Variants in PTPRD observed in about 807,000 individuals in gnomAD.
The protein encoded by PTPRD is protein tyrosine phosphatase receptor type D.
PTPRD carries 34 observed loss-of-function variants against 214.5 expected under a neutral mutation model. The ratio of observed to expected loss-of-function variants is 0.16; its 90% CI spans 0.12 to 0.21. The LOEUF (loss-of-function observed/expected upper bound fraction) is 0.21. PTPRD is among the 10% of genes least tolerant of loss of function. The probability of loss-of-function intolerance (pLI) is 1.00; values close to 1 mark genes in which losing one functional copy is unlikely to be tolerated. For synonymous variants in PTPRD, 1,128 were observed against 845.7 expected (o/e 1.33, Z -5.79); for missense variants, 2,545 against 2,398.7 (o/e 1.06, Z -1.27).
At chr9:8,702,587 T>C (rs2098113666) in intron 12 of PTPRD, among the ~76,000 whole-genome samples, 1 of 152,176 alleles carries the variant, frequency 6.6e-6, no homozygotes, top group South Asian at 2.1e-4. Flanking sequence ...CCTGGGTCTT[T>C]AAGAAAAGCC....
At chr9:8,678,528 C>G (rs1000587545) in intron 12 of PTPRD, among the ~76,000 whole-genome samples, 2 of 152,050 alleles carry the variant, frequency 1.3e-5, no homozygotes, top group African/African-American at 2.4e-5. Context: ...TCAAGTTTAA[C>G]GAGGGCAAAA....
At chr9:8,428,372 T>G (rs2094827582) in intron 35 of PTPRD, among the ~76,000 whole-genome samples, 1 of 152,238 alleles carries the variant, frequency 6.6e-6, no homozygotes, top group Non-Finnish European at 1.5e-5. Flanking sequence ...CCATCCCAGG[T>G]ACAAAAATGT....
intron 7 of PTPRD, among the ~76,000 whole-genome samples, chr9:9,600,066 A>G (rs2093637664): frequency 6.6e-6 from 1 of 152,036 alleles, no homozygotes; most frequent in African/African-American, 2.4e-5. Flanking sequence ...TTTTTGAAAC[A>G]TTGCAGTTGT....
chr9:8,649,678 A>C (rs2096766492), intron 12 of PTPRD, among the ~76,000 whole-genome samples: 2 of 152,228 alleles, frequency 1.3e-5, no homozygotes, highest in East Asian at 3.8e-4. Flanking sequence ...AAAATGTTTC[A>C]TGTAGCACAA....
chr9:9,853,083 T>C (rs2060851361), intron 5 of PTPRD, among the ~76,000 whole-genome samples: 3 of 152,196 alleles, frequency 2.0e-5, no homozygotes, highest in Admixed American at 2.0e-4. Context: ...AGTCACATAT[T>C]ATTTAAATGT....
At position 10,131,337 on chromosome 9, in the gene PTPRD, T is replaced by G. The variant is rs562842046; in HGVS notation, c.-544-97547A>C. 7.5e-4 allele frequency among the ~76,000 whole-genome samples: 114 copies of G among 152,236 alleles called. 1 individual carries two copies. Among genetic ancestry groups the G allele is most frequent in the African/African-American group, 2.7e-3 (111 of 41,556 alleles). ...TGCATCAGCATCCTTCTCCGTAGAATGGGAACAATTGCAGTAGTTCAGTGC... is the reference window on the plus strand; with the variant it reads ...TGCATCAGCATCCTTCTCCGTAGAAGGGGAACAATTGCAGTAGTTCAGTGC... On this transcript the variant is annotated intron_variant, in intron 3 of 45. Transcript: ENST00000381196.
intron 7 of PTPRD, among the ~76,000 whole-genome samples, chr9:9,638,874 T>A (rs1564225769): frequency 6.6e-6 from 1 of 152,010 alleles, no homozygotes; most frequent in Non-Finnish European, 1.5e-5. Context: ...TGCTGCATCC[T>A]CCAAAGGGGA....
At chr9:9,810,463 T>C (rs1406287766) in intron 5 of PTPRD, among the ~76,000 whole-genome samples, 2 of 152,070 alleles carry the variant, frequency 1.3e-5, no homozygotes, top group Non-Finnish European at 1.5e-5. Context: ...TTTACCATAC[T>C]GAAAATCCTA....
intron 11 of PTPRD, among the ~76,000 whole-genome samples, chr9:8,850,525 A>G: frequency 6.6e-6 from 1 of 152,178 alleles, no homozygotes; most frequent in Non-Finnish European, 1.5e-5. Flanking sequence ...TTCCTCTAGA[A>G]AAACATAGTT....
chr9:9,120,956 C>G (rs943862934), intron 10 of PTPRD, among the ~76,000 whole-genome samples: 2 of 152,180 alleles, frequency 1.3e-5, no homozygotes, highest in Admixed American at 6.5e-5. Context: ...ACACTAATCA[C>G]TCTCAGGAAT....
At chr9:8,639,437 C>A (rs1447809398) in intron 12 of PTPRD, among the ~76,000 whole-genome samples, 1 of 151,882 alleles carries the variant, frequency 6.6e-6, no homozygotes, top group Non-Finnish European at 1.5e-5. Flanking sequence ...AGCCTAAAAA[C>A]TGTCAACCGG....
chr9:8,644,755 C>T lies in PTPRD; in HGVS notation c.65-7911G>A, dbSNP rs569670066. Among the ~76,000 whole-genome samples, 5 of 152,352 alleles carry T rather than the reference C, an allele frequency of 3.3e-5. No individual in the cohort carries two copies. The East Asian group carries it at 7.7e-4, about 24-fold the overall frequency. On this transcript the variant is annotated intron_variant, in intron 12 of 45. Transcript: ENST00000381196. Reference sequence around the variant, plus strand: ...CCCGGAACCGCCCACCCCGTGGCAGCGGCCAACATGTCTGACTGTGCAGTG... The same window carrying T: ...CCCGGAACCGCCCACCCCGTGGCAGTGGCCAACATGTCTGACTGTGCAGTG...
intron 4 of PTPRD, among the ~76,000 whole-genome samples, chr9:10,005,006 A>T (rs2096440990): frequency 6.6e-6 from 1 of 152,148 alleles, no homozygotes. Flanking sequence ...GCTTAATACT[A>T]ATGGAAAAAC....
At chr9:10,371,349 C>T (rs2097612513) in intron 2 of PTPRD, among the ~76,000 whole-genome samples, 1 of 152,054 alleles carries the variant, frequency 6.6e-6, no homozygotes, top group South Asian at 2.1e-4. Context: ...CTGAGTTGAA[C>T]TGCATATTAG....
chr9:8,593,217 T>C (rs148194126), intron 14 of PTPRD, among the ~76,000 whole-genome samples: 1 of 152,188 alleles, frequency 6.6e-6, no homozygotes. Flanking sequence ...CTTGAGGGCG[T>C]TTATCTTTAT....
At chr9:9,103,299 G>T (rs1479719707) in intron 10 of PTPRD, among the ~76,000 whole-genome samples, 1 of 150,386 alleles carries the variant, frequency 6.6e-6, no homozygotes, top group African/African-American at 2.4e-5. Flanking sequence ...GTTTTTGTTT[G>T]TTTTTTTTTC....
At position 9,998,835 on chromosome 9, in the gene PTPRD, T is replaced by G. The variant is rs1008040586; in HGVS notation, c.-472+34883A>C. ...ATTTTTACTGACTCCAAGTACTCTT[T>G]CCTGATTCTCCATGCTCATGCTGCC... On this transcript the variant is annotated intron_variant, in intron 4 of 45. Transcript: ENST00000381196. Among the ~76,000 whole-genome samples, 6 of 152,206 alleles carry G rather than the reference T, an allele frequency of 3.9e-5. No individual in the cohort carries two copies. The East Asian group carries it at 7.7e-4, about 20-fold the overall frequency.
At chr9:9,832,416 T>A (rs1231306476) in intron 5 of PTPRD, among the ~76,000 whole-genome samples, 7 of 152,042 alleles carry the variant, frequency 4.6e-5, no homozygotes, top group African/African-American at 1.4e-4. Context: ...ATATAGCAGA[T>A]ATTACTGATG....
intron 9 of PTPRD, among the ~76,000 whole-genome samples, chr9:9,394,978 T>C (rs1178418739): frequency 6.6e-6 from 1 of 152,066 alleles, no homozygotes; most frequent in Non-Finnish European, 1.5e-5. Flanking sequence ...TCAGGTACCA[T>C]ATGATTTAAT....
Sources: allele counts gnomAD v4.1 joint callset (sites outside exome capture counted in the v4.1 genomes callset), GRCh38; gene constraint gnomAD v4.1.1; transcripts MANE v1.5; gene names NCBI Gene and HGNC (gene_info 2026-07-23, HGNC 2026-07-21).